Variants in GRM8 observed in about 807,000 individuals in gnomAD.
GRM8 encodes the protein metabotropic glutamate receptor 8.
A neutral mutation model predicts 87.2 loss-of-function variants in GRM8; 47 were observed. The observed-to-expected ratio is 0.54, with a 90% CI of 0.43 to 0.69. The LOEUF (loss-of-function observed/expected upper bound fraction) is 0.69. GRM8 is among the 30% of genes least tolerant of loss of function. The pLI, the probability that GRM8 is intolerant of heterozygous loss-of-function variation, is 0.00. For synonymous variants in GRM8, 396 were observed against 404.5 expected (o/e 0.98, Z 0.25); for missense variants, 1,019 against 1,139.2 (o/e 0.89, Z 1.52).
intron 2 of GRM8, among the ~76,000 whole-genome samples, chr7:127,124,676 C>A (rs1371366771): frequency 1.3e-5 from 2 of 152,102 alleles, no homozygotes; most frequent in African/African-American, 2.4e-5. Context: ...GGATAATGAA[C>A]CTCCATTTAG....
At chr7:127,014,483 G>T (rs1241105359) in intron 3 of GRM8, among the ~76,000 whole-genome samples, 1 of 152,070 alleles carries the variant, frequency 6.6e-6, no homozygotes, top group Non-Finnish European at 1.5e-5. Context: ...TCTGCCACTT[G>T]CTAGCTGTGT....
intron 2 of GRM8, among the ~76,000 whole-genome samples, chr7:127,239,963 G>A (rs1798191457): frequency 6.6e-6 from 1 of 152,176 alleles, no homozygotes; most frequent in Non-Finnish European, 1.5e-5. Context: ...CTCTGGACCA[G>A]TGAACCGATC....
chr7:127,018,936 T>G (rs1815983142), intron 3 of GRM8, among the ~76,000 whole-genome samples: 3 of 152,004 alleles, frequency 2.0e-5, no homozygotes, highest in Admixed American at 2.0e-4. Context: ...CTTTGTTACG[T>G]GAGAAAAGCA....
At chr7:127,163,944 A>G (rs1470023727) in intron 2 of GRM8, among the ~76,000 whole-genome samples, 1 of 152,138 alleles carries the variant, frequency 6.6e-6, no homozygotes, top group Non-Finnish European at 1.5e-5. Context: ...GATGAATGAT[A>G]TAGTTTGGAT....
chr7:127,219,603 T>A (rs1222818182), intron 2 of GRM8: 3 of 152,130 alleles, frequency 2.0e-5, no homozygotes, highest in Non-Finnish European at 2.9e-5. Context: ...CAAACCCAGC[T>A]AATTATTTTT....
intron 7 of GRM8, among the ~76,000 whole-genome samples, chr7:126,756,930 G>A (rs77544599): frequency 0.018 from 2,668 of 151,942 alleles, 74 homozygotes; most frequent in African/African-American, 0.061. Context: ...AAGACGAGAA[G>A]GTTCATGAAG....
chr7:126,756,215 A>T (rs1352409621), intron 7 of GRM8, among the ~76,000 whole-genome samples: 1 of 152,062 alleles, frequency 6.6e-6, no homozygotes, highest in Non-Finnish European at 1.5e-5. Flanking sequence ...TGCAAAAAAA[A>T]TATAAATAAA....
chr7:126,587,344 T>C (rs890205648), intron 8 of GRM8, among the ~76,000 whole-genome samples: 9 of 152,178 alleles, frequency 5.9e-5, no homozygotes, highest in Non-Finnish European at 1.3e-4. Flanking sequence ...CCCAAAGGAT[T>C]ATAAATCATG....
intron 3 of GRM8, among the ~76,000 whole-genome samples, chr7:126,935,555 T>G (rs187849903): frequency 4.9e-4 from 75 of 152,214 alleles, no homozygotes; most frequent in African/African-American, 1.6e-3. Flanking sequence ...GAAGAACAAT[T>G]TCAAGGTCTG....
At chr7:126,847,127 G>T (rs1197152268) in intron 6 of GRM8, among the ~76,000 whole-genome samples, 2 of 152,152 alleles carry the variant, frequency 1.3e-5, no homozygotes, top group Admixed American at 6.5e-5. Flanking sequence ...ATTCACAGAA[G>T]CTATCCTTAC....
intron 9 of GRM8, among the ~76,000 whole-genome samples, chr7:126,493,510 T>G (rs1435130169): frequency 1.3e-4 from 20 of 152,036 alleles, no homozygotes; most frequent in Admixed American, 1.3e-3. Context: ...AGAACAGATT[T>G]TAACACAAGA....
intron 6 of GRM8, among the ~76,000 whole-genome samples, chr7:126,786,687 C>A (rs571510655): frequency 1.3e-5 from 2 of 152,260 alleles, no homozygotes; most frequent in African/African-American, 4.8e-5. Flanking sequence ...AATTCTATAA[C>A]CTATCATGTT....
intron 3 of GRM8, among the ~76,000 whole-genome samples, chr7:127,068,045 T>C (rs1264052474): frequency 6.6e-6 from 1 of 152,086 alleles, no homozygotes; most frequent in African/African-American, 2.4e-5. Context: ...TCCCACTAAA[T>C]AAACAATAAA....
intron 3 of GRM8, among the ~76,000 whole-genome samples, chr7:127,011,802 TTC>T (rs1425060346): frequency 6.8e-4 from 104 of 152,272 alleles, no homozygotes; most frequent in African/African-American, 2.3e-3. Flanking sequence ...CTTTCTTACC[TTC>T]TCAGCCTAGA....
chr7:126,518,190 G>C (rs962449472), intron 9 of GRM8, among the ~76,000 whole-genome samples: 7 of 152,010 alleles, frequency 4.6e-5, no homozygotes, highest in Non-Finnish European at 7.4e-5. Context: ...TAAGGAACTC[G>C]CTAATGTGAA....
At chr7:126,634,633 A>ACC (rs1455713713) in intron 7 of GRM8, among the ~76,000 whole-genome samples, 18 of 151,832 alleles carry the variant, frequency 1.2e-4, no homozygotes, top group African/African-American at 4.1e-4. Flanking sequence ...CTAGAAACAC[A>ACC]CCTGCCTACC....
At chr7:127,010,218 C>T (rs754899585) in intron 3 of GRM8, among the ~76,000 whole-genome samples, 24 of 152,132 alleles carry the variant, frequency 1.6e-4, no homozygotes, top group Non-Finnish European at 2.5e-4. Context: ...GCCTCAATCT[C>T]CCTCAAGGCA....
chr7:126,581,430 T>C (rs1235146903), intron 8 of GRM8, among the ~76,000 whole-genome samples: 1 of 152,108 alleles, frequency 6.6e-6, no homozygotes, highest in Non-Finnish European at 1.5e-5. Context: ...AAGCTTAACG[T>C]ACAAATTTGT....
chr7:126,903,865 T>C (rs879227106), intron 5 of GRM8, 107 bp downstream of exon 5: 1 of 561,792 alleles, frequency 1.8e-6, no homozygotes, highest in African/African-American at 2.0e-5. Context: ...AAAATTTGTA[T>C]CAAGTCATCA....
Sources: allele counts gnomAD v4.1 joint callset (sites outside exome capture counted in the v4.1 genomes callset), GRCh38; gene constraint gnomAD v4.1.1; transcripts MANE v1.5; gene names NCBI Gene and HGNC (gene_info 2026-07-23, HGNC 2026-07-21).